The following PTH2R variants were observed in gnomAD, a reference collection of about 807,000 sequenced individuals.
PTH2R encodes the protein PTH2 receptor.
Under a neutral mutation model 60.3 loss-of-function variants are expected in PTH2R, and 59 were observed. The ratio of observed to expected loss-of-function variants is 0.98; its 90% CI spans 0.79 to 1.22. PTH2R has a LOEUF of 1.22. PTH2R is among the 50% of genes most tolerant of loss of function. PTH2R has a pLI of 0.00. For missense variants in PTH2R, 749 were observed against 682.6 expected, an observed-to-expected ratio of 1.10 and a Z score of -1.08; for synonymous variants, 256 against 243.8, an observed-to-expected ratio of 1.05 and a Z score of -0.47.
Position 208,407,062 on chromosome 2 carries a change from T to G in PTH2R, c.19T>G (p.Ser7Ala). MAGLGASLHVWGWLMLG... is the reference protein window; with the variant it reads MAGLGAALHVWGWLMLG... The stretch of plus-strand genomic sequence containing the variant: ...TCCGGGCATGGCCGGGCTGGGGGCG[T>G]CGCTCCACGTCTGGGGTTGGCTAAT... The change falls in exon 1 of 13, where the codon TCG (serine) becomes GCG (alanine). Residue 7 changes from serine (S) to alanine (A), a missense_variant. Physicochemically the swap from Ser to Ala is moderately conservative, Grantham distance 99 (BLOSUM62 1). Coordinates refer to ENST00000272847, the MANE Select transcript of PTH2R (RefSeq NM_005048.4). 7.2e-7 allele frequency: 1 copy of G among 1,393,304 alleles called. No individual in the cohort carries two copies. The highest frequency in any genetic ancestry group is 9.4e-7 in the Non-Finnish European group (1 of 1,066,754). The allele number at this position is 1,393,304 out of a possible 1,614,324, so 86.3% of individuals were successfully genotyped here. A position where few individuals can be genotyped will look rare whatever the true frequency, so the allele number is the denominator to read the frequency against.
intron 1 of PTH2R, among the ~76,000 whole-genome samples, chr2:208,360,458 C>T (rs1343218383): frequency 2.6e-5 from 4 of 152,280 alleles, no homozygotes; most frequent in African/African-American, 7.2e-5. Flanking sequence ...GGCGCAGAAC[C>T]GCAGCTCTGG....
intron 1 of PTH2R, among the ~76,000 whole-genome samples, chr2:208,369,370 C>CTTTT (rs1035656784): frequency 6.7e-6 from 1 of 148,302 alleles, no homozygotes; most frequent in African/African-American, 2.5e-5. Context: ...GTCTCTCTCT[C>CTTTT]TTTTTTTTTT....
chr2:208,479,992 G>A (rs1039456864), intron 9 of PTH2R, among the ~76,000 whole-genome samples: 1 of 152,170 alleles, frequency 6.6e-6, no homozygotes, highest in African/African-American at 2.4e-5. Context: ...TCCCCCATGT[G>A]TGGGGCTCAA....
chr2:208,443,529 T>A lies in PTH2R; in HGVS notation c.691T>A (p.Ser231Thr), dbSNP rs1189021836. Residue 231 changes from serine (S) to threonine (T), a missense_variant, in exon 6 of 13, where the codon TCA becomes ACA. Coordinates refer to ENST00000272847, the MANE Select transcript of PTH2R (RefSeq NM_005048.4). ...NSIEATSVDK[S>T]QYIGCKIAVV... Reference sequence around the variant, plus strand: ...CATTGAGGCAACTTCTGTGGACAAATCACAATATGTAAGTGTTTTCACCAT... The same window carrying A: ...CATTGAGGCAACTTCTGTGGACAAAACACAATATGTAAGTGTTTTCACCAT... The A allele has an allele frequency of 1.2e-6, 2 of 1,603,688 alleles. No homozygotes were observed. Among genetic ancestry groups the A allele is most frequent in the Non-Finnish European group, 1.7e-6 (2 of 1,176,228 alleles).
At chr2:208,438,254 A>G (rs550545959) in intron 4 of PTH2R, among the ~76,000 whole-genome samples, 1 of 152,352 alleles carries the variant, frequency 6.6e-6, no homozygotes, top group African/African-American at 2.4e-5. Flanking sequence ...TCTCATCTGT[A>G]TATTCCAGAA....
rs781727858 is a variant in PTH2R at position 208,444,849 on chromosome 2, A to T, written c.815A>T (p.Asp272Val). 3 of 1,613,834 alleles carry T rather than the reference A, an allele frequency of 1.9e-6. No individual in the cohort carries two copies. The Admixed American group carries it at 5.0e-5, about 27-fold the overall frequency. Residue 272 changes from aspartate to valine, a missense_variant, in exon 7 of 13, where the codon GAC (aspartate) becomes GTC (valine). Coordinates refer to ENST00000272847, the MANE Select transcript of PTH2R (RefSeq NM_005048.4). ...CTCATCTTTGTGGCTTTCTTTTCGG[A>T]CACCAAATACCTGTGGGGCTTCATC... is the stretch of plus-strand genomic sequence containing the variant. Reference protein sequence around the residue: ...HNLIFVAFFSDTKYLWGFILI... With the variant: ...HNLIFVAFFSVTKYLWGFILI...
rs747468776 is a variant in PTH2R at position 208,444,846 on chromosome 2, C to T, written c.812C>T (p.Ser271Leu). 18 of 1,613,638 alleles carry T rather than the reference C, an allele frequency of 1.1e-5. No homozygotes were observed. Among genetic ancestry groups the T allele is most frequent in the Middle Eastern group, 1.6e-4 (1 of 6,080 alleles). Reference protein sequence around the residue: ...LHNLIFVAFFSDTKYLWGFIL... With the variant: ...LHNLIFVAFFLDTKYLWGFIL... The stretch of plus-strand genomic sequence containing the variant: ...AATCTCATCTTTGTGGCTTTCTTTT[C>T]GGACACCAAATACCTGTGGGGCTTC... The change falls in exon 7 of 13, where the codon TCG becomes TTG. Residue 271 changes from serine to leucine, a missense_variant. Coordinates refer to ENST00000272847, the MANE Select transcript of PTH2R (RefSeq NM_005048.4).
Position 208,443,406 on chromosome 2 carries a change from A to C in PTH2R, c.568A>C (p.Arg190=). The change falls in exon 6 of 13, where the codon AGA becomes CGA. Residue 190 remains arginine, a synonymous_variant. Coordinates refer to ENST00000272847, the MANE Select transcript of PTH2R (RefSeq NM_005048.4). ...HMHLFVSFML[R]ATSIFVKDRV... Reference sequence around the variant, plus strand: ...GCACTTATTTGTGTCTTTCATGCTGAGAGCTACAAGCATCTTTGTCAAAGA... The same window carrying C: ...GCACTTATTTGTGTCTTTCATGCTGCGAGCTACAAGCATCTTTGTCAAAGA... 6.2e-7 allele frequency: 1 copy of C among 1,612,638 alleles called. No homozygotes were observed. The highest frequency in any genetic ancestry group is 8.5e-7 in the Non-Finnish European group (1 of 1,179,390).
At chr2:208,456,018 C>A (rs1474893285) in intron 8 of PTH2R, among the ~76,000 whole-genome samples, 1 of 152,124 alleles carries the variant, frequency 6.6e-6, no homozygotes, top group Non-Finnish European at 1.5e-5. Context: ...GCAGGCTGAT[C>A]CCTTGAGGCC....
At chr2:208,425,879 C>T (rs1351707840) in intron 1 of PTH2R, among the ~76,000 whole-genome samples, 5 of 152,224 alleles carry the variant, frequency 3.3e-5, no homozygotes, top group Non-Finnish European at 4.4e-5. Flanking sequence ...AGGGAATTTA[C>T]CACCATGTTG....
rs1160932166 is a variant in PTH2R at position 208,493,556 on chromosome 2, G to A, written c.1550G>A (p.Ser517Asn). ...TTCCACGAGGAGACCAAGGAAGATA[G>A]TGGGAGGCAGGGAGATGATATTCTA... ...HSFHEETKED[S>N]GRQGDDILME... Residue 517 changes from serine (S) to asparagine (N), a missense_variant, in exon 13 of 13, where the codon AGT (serine) becomes AAT (asparagine). Coordinates refer to ENST00000272847, the MANE Select transcript of PTH2R (RefSeq NM_005048.4). 3 of 1,613,850 alleles carry A rather than the reference G, an allele frequency of 1.9e-6. No individual in the cohort carries two copies. The highest frequency in any genetic ancestry group is 2.5e-6 in the Non-Finnish European group (3 of 1,179,808).
Position 208,494,000 on chromosome 2 carries a change from T to C in PTH2R, c.*341T>C, listed in dbSNP as rs976481498. ...TCTCTCATATATATCACCCTAAATA[T>C]AATGAAGATCTTTTAGTGTGTATCA... On this transcript the variant is annotated 3_prime_UTR_variant, in exon 13 of 13. Transcript: ENST00000272847. 2 of 181,362 alleles carry C rather than the reference T, an allele frequency of 1.1e-5. No homozygotes were observed. The highest frequency in any genetic ancestry group is 1.2e-4 in the Admixed American group (2 of 16,502). The allele number at this position is 181,362 out of a possible 1,614,324, so 11.2% of individuals were successfully genotyped here. A position where few individuals can be genotyped will look rare whatever the true frequency, so the allele number is the denominator to read the frequency against.
At chr2:208,393,716 T>G (rs1201822574) in intron 1 of PTH2R, among the ~76,000 whole-genome samples, 1 of 152,212 alleles carries the variant, frequency 6.6e-6, no homozygotes, top group Non-Finnish European at 1.5e-5. Flanking sequence ...AACACCTGAG[T>G]TAAATTTTGG....
intron 1 of PTH2R, among the ~76,000 whole-genome samples, chr2:208,362,594 T>C (rs1700497967): frequency 6.6e-6 from 1 of 152,210 alleles, no homozygotes; most frequent in Non-Finnish European, 1.5e-5. Context: ...TACAGGTTGC[T>C]TCCGCCTTTT....
chr2:208,369,934 C>A (rs912749726), intron 1 of PTH2R, among the ~76,000 whole-genome samples: 6 of 152,004 alleles, frequency 3.9e-5, no homozygotes, highest in Admixed American at 2.0e-4. Context: ...AAAGAACAAT[C>A]CTAAGCATTC....
intron 1 of PTH2R, among the ~76,000 whole-genome samples, chr2:208,377,495 G>T (rs1700818513): frequency 6.6e-6 from 1 of 150,802 alleles, no homozygotes. Context: ...CGGCTGGGTG[G>T]AGGCGGGCCC....
intron 9 of PTH2R, among the ~76,000 whole-genome samples, chr2:208,472,414 C>T (rs963757705): frequency 1.3e-5 from 2 of 152,194 alleles, no homozygotes; most frequent in African/African-American, 4.8e-5. Context: ...ACCTCCAAAT[C>T]TCATCTTGAA....
rs375049102 is a variant in PTH2R, at chr2:208,493,420, G to A, written c.1414G>A (p.Val472Met). The change falls in exon 13 of 13, where the codon GTG becomes ATG. Residue 472 changes from valine to methionine, a missense_variant. Val to Met is a conservative substitution (Grantham distance 21, BLOSUM62 1). Transcript: ENST00000272847. ...QSQVAASTRM[V>M]LISGKAAKIA... Reference sequence around the variant, plus strand: ...ACAGGTGGCGGCCAGCACACGCATGGTGCTTATCTCTGGCAAAGCTGCCAA... The same window carrying A: ...ACAGGTGGCGGCCAGCACACGCATGATGCTTATCTCTGGCAAAGCTGCCAA... The A allele has an allele frequency of 3.2e-5, 52 of 1,610,786 alleles. No homozygotes were observed. Among genetic ancestry groups the A allele is most frequent in the Non-Finnish European group, 4.2e-5 (50 of 1,177,952 alleles).
chr2:208,377,715 C>T lies in PTH2R; in HGVS notation c.-259+17478C>T, dbSNP rs535665842. ...CTCAGACGGGGTGGCCGGGCAGAGACGCTCCTCACCTCCCAGACGGGGTCG... is the reference window on the plus strand; with the variant it reads ...CTCAGACGGGGTGGCCGGGCAGAGATGCTCCTCACCTCCCAGACGGGGTCG... On this transcript the variant is annotated intron_variant, in intron 1 of 12. Transcript: ENST00000617735. Among the ~76,000 whole-genome samples, 29 of 147,710 alleles carry T rather than the reference C, an allele frequency of 2.0e-4. No individual in the cohort carries two copies. In the East Asian group the frequency reaches 2.3e-3, roughly 12 times the overall value.
Sources: gnomAD v4.1 joint callset for allele counts (sites outside exome capture counted in the v4.1 genomes callset) on GRCh38, gnomAD v4.1.1 for gene constraint, MANE v1.5 for transcripts, NCBI Gene and HGNC (gene_info 2026-07-23, HGNC 2026-07-21) for gene names.